CHN1: variants seen among roughly 807,000 people sequenced by gnomAD.
CHN1 encodes the protein chimerin 1.
Under a neutral mutation model 59.5 loss-of-function variants are expected in CHN1, and 37 were observed. That is an observed-to-expected ratio of 0.62 (90% CI 0.48 to 0.82). CHN1 has a LOEUF of 0.82. Ranked by LOEUF, CHN1 falls within the 40% of genes least tolerant of loss-of-function variation. The probability of loss-of-function intolerance (pLI) is 0.00; values close to 1 mark genes in which losing one functional copy is unlikely to be tolerated. For synonymous variants in CHN1, 206 were observed against 200.4 expected, an observed-to-expected ratio of 1.03 and a Z score of -0.24; for missense variants, 469 against 571.0, an observed-to-expected ratio of 0.82 and a Z score of 1.82.
At chr2:175,002,449 CT>C (rs1691921349) in intron 1 of CHN1, among the ~76,000 whole-genome samples, 2 of 152,228 alleles carry the variant, frequency 1.3e-5, no homozygotes, top group South Asian at 4.1e-4. Context: ...ATTCGAGTTC[CT>C]ATAATATACT....
At chr2:174,901,350 C>T (rs1688384417) in intron 5 of CHN1, among the ~76,000 whole-genome samples, 1 of 152,222 alleles carries the variant, frequency 6.6e-6, no homozygotes, top group African/African-American at 2.4e-5. Flanking sequence ...CTCTCACTCA[C>T]TCTCTTTCCT....
chr2:174,815,388 T>G (rs980794584), intron 8 of CHN1, among the ~76,000 whole-genome samples: 1 of 151,980 alleles, frequency 6.6e-6, no homozygotes, highest in African/African-American at 2.4e-5. Context: ...TAAAAAAAAA[T>G]AAATTAAAAA....
At chr2:174,975,095 A>C (rs1466800301) in intron 1 of CHN1, among the ~76,000 whole-genome samples, 6 of 152,214 alleles carry the variant, frequency 3.9e-5, no homozygotes, top group Non-Finnish European at 8.8e-5. Context: ...AAACAACTGC[A>C]TATTATTAAC....
At chr2:174,838,403 CT>C (rs1420787572) in intron 7 of CHN1, among the ~76,000 whole-genome samples, 1 of 152,066 alleles carries the variant, frequency 6.6e-6, no homozygotes, top group East Asian at 1.9e-4. Context: ...AAACCTCACT[CT>C]TAATAAGACT....
At chr2:174,997,945 C>T (rs1028128741) in intron 1 of CHN1, among the ~76,000 whole-genome samples, 1 of 147,898 alleles carries the variant, frequency 6.8e-6, no homozygotes, top group Non-Finnish European at 1.5e-5. Flanking sequence ...TGAGACGATG[C>T]CATTGCACTC....
chr2:174,940,962 A>G (rs1256380682), intron 3 of CHN1, among the ~76,000 whole-genome samples: 3 of 152,120 alleles, frequency 2.0e-5, no homozygotes, highest in Admixed American at 2.0e-4. Context: ...TTTAAGTGTC[A>G]TTTCTTCTGT....
chr2:174,926,918 C>T (rs915211887), intron 3 of CHN1, among the ~76,000 whole-genome samples: 12 of 152,052 alleles, frequency 7.9e-5, no homozygotes, highest in African/African-American at 2.9e-4. Flanking sequence ...CCACCACGCC[C>T]AGCTAATTTT....
Position 175,005,313 on chromosome 2 carries a change from C to T in CHN1, c.-401G>A, listed in dbSNP as rs929624062. 14 of 1,187,722 alleles carry T rather than the reference C, an allele frequency of 1.2e-5. No homozygotes were observed. The highest frequency in any genetic ancestry group is 3.5e-4 in the Middle Eastern group (1 of 2,828). 73.6% of individuals were successfully genotyped at this position (1,187,722 alleles called of 1,614,324 possible). On this transcript the variant is annotated 5_prime_UTR_variant, in exon 1 of 13. Coordinates refer to ENST00000409900, the MANE Select transcript of CHN1 (RefSeq NM_001822.7). ...GAGAGCAGCAGCAGCCTCGCACAGC[C>T]CCCGGCGGGGCGCGCTCACTCCGCA...
intron 7 of CHN1, among the ~76,000 whole-genome samples, chr2:174,828,790 T>G (rs866060425): frequency 1.3e-5 from 2 of 152,104 alleles, no homozygotes; most frequent in African/African-American, 4.8e-5. Context: ...TCACAAGGGG[T>G]GCAAGGGCTT....
At chr2:174,840,141 T>G (rs1686239301) in intron 7 of CHN1, among the ~76,000 whole-genome samples, 1 of 151,130 alleles carries the variant, frequency 6.6e-6, no homozygotes, top group Non-Finnish European at 1.5e-5. Context: ...ATTTTGCCAG[T>G]GTTTATGCAT....
At chr2:174,965,894 AAAC>A (rs941067535) in intron 1 of CHN1, among the ~76,000 whole-genome samples, 1 of 152,238 alleles carries the variant, frequency 6.6e-6, no homozygotes, top group Non-Finnish European at 1.5e-5. Context: ...AACACCAAAC[AAAC>A]AACTACTATA....
chr2:174,816,177 C>T (rs547063611), intron 8 of CHN1, among the ~76,000 whole-genome samples: 91 of 152,318 alleles, frequency 6.0e-4, no homozygotes, highest in African/African-American at 2.1e-3. Flanking sequence ...GAAGATACAG[C>T]TCTCCCCATA....
chr2:174,910,832 G>A (rs917866273), intron 5 of CHN1, among the ~76,000 whole-genome samples: 3 of 150,060 alleles, frequency 2.0e-5, no homozygotes, highest in South Asian at 2.1e-4. Context: ...CCCAGGAGGC[G>A]GAGCTTGCAG....
intron 1 of CHN1, among the ~76,000 whole-genome samples, chr2:174,953,357 T>C (rs1391975424): frequency 2.6e-5 from 4 of 152,178 alleles, no homozygotes; most frequent in Non-Finnish European, 4.4e-5. Context: ...AGACTGCTAA[T>C]AGTGGGCATA....
At chr2:174,979,476 C>T (rs1437901676) in intron 1 of CHN1, among the ~76,000 whole-genome samples, 1 of 152,132 alleles carries the variant, frequency 6.6e-6, no homozygotes, top group African/African-American at 2.4e-5. Flanking sequence ...TGCTTATTGG[C>T]AGGCTCTGGT....
At chr2:174,885,000 G>T (rs1183373947) in intron 5 of CHN1, among the ~76,000 whole-genome samples, 4 of 151,858 alleles carry the variant, frequency 2.6e-5, no homozygotes, top group African/African-American at 9.7e-5. Flanking sequence ...AAAATACACA[G>T]AAATTAGCCG....
chr2:174,881,282 G>A (rs1687725871), intron 5 of CHN1, among the ~76,000 whole-genome samples: 1 of 152,118 alleles, frequency 6.6e-6, no homozygotes, highest in Non-Finnish European at 1.5e-5. Flanking sequence ...AAGCATCCTT[G>A]CAGTCTTCTC....
chr2:174,815,778 C>A (rs780366538), intron 8 of CHN1, among the ~76,000 whole-genome samples: 12 of 151,956 alleles, frequency 7.9e-5, no homozygotes, highest in Non-Finnish European at 1.6e-4. Context: ...ATGAGTAATT[C>A]TGAATGGTAT....
chr2:174,821,817 A>G, intron 8 of CHN1: 1 of 397,714 alleles, frequency 2.5e-6, no homozygotes, highest in Non-Finnish European at 5.0e-6. Context: ...CAAATTACCC[A>G]GTCTGTGGTA....
Sources: gnomAD v4.1 joint callset for allele counts (sites outside exome capture counted in the v4.1 genomes callset) on GRCh38, gnomAD v4.1.1 for gene constraint, MANE v1.5 for transcripts, NCBI Gene and HGNC (gene_info 2026-07-23, HGNC 2026-07-21) for gene names.